Variants in CDH8 observed in about 807,000 individuals in gnomAD.
CDH8 encodes cadherin 8.
CDH8 carries 17 observed loss-of-function variants against 68.1 expected under a neutral mutation model. The observed-to-expected ratio is 0.25, with a 90% CI of 0.17 to 0.37. The LOEUF (loss-of-function observed/expected upper bound fraction) is 0.37. Ranked by LOEUF, CDH8 falls within the 10% of genes least tolerant of loss-of-function variation. The probability of loss-of-function intolerance (pLI) is 1.00; values close to 1 mark genes in which losing one functional copy is unlikely to be tolerated. For missense variants in CDH8, 763 were observed against 999.3 expected (o/e 0.76, Z 3.19); for synonymous variants, 372 against 365.1 (o/e 1.02, Z -0.21).
At chr16:62,032,333 G>T (rs1902346670) in intron 1 of CDH8, among the ~76,000 whole-genome samples, 1 of 152,144 alleles carries the variant, frequency 6.6e-6, no homozygotes, top group Admixed American at 6.5e-5. Flanking sequence ...GTGTATATGT[G>T]TGTGTGTTAT....
At chr16:61,871,579 TATAATA>T (rs1485240315) in intron 3 of CDH8, among the ~76,000 whole-genome samples, 1 of 151,710 alleles carries the variant, frequency 6.6e-6, no homozygotes. Context: ...TGATGATCTT[TATAATA>T]ATAATATTTT....
chr16:61,984,356 T>C (rs1965592041), intron 2 of CDH8, among the ~76,000 whole-genome samples: 1 of 152,172 alleles, frequency 6.6e-6, no homozygotes, highest in Admixed American at 6.5e-5. Flanking sequence ...AACACAGACA[T>C]TTAATCCATA....
rs1485664935 is a variant in CDH8 at position 61,651,732 on chromosome 16, A to T, written c.*1876T>A. 1 of 152,242 alleles carries T rather than the reference A, an allele frequency of 6.6e-6. No homozygotes were observed. The highest frequency in any genetic ancestry group is 1.5e-5 in the Non-Finnish European group (1 of 68,142). 9.4% of individuals were successfully genotyped at this position (152,242 alleles called of 1,614,324 possible). A position where few individuals can be genotyped will look rare whatever the true frequency, so the allele number is the denominator to read the frequency against. ...AGTTTTAGGTCTGCAAACTTGTCTG[A>T]AGGTTTTCCCTGCCCAATGCGTCTG... On this transcript the variant is annotated 3_prime_UTR_variant, in exon 12 of 12. Coordinates refer to ENST00000577390, the MANE Select transcript of CDH8 (RefSeq NM_001796.5).
chr16:61,860,015 T>G (rs2143017065), intron 3 of CDH8, among the ~76,000 whole-genome samples: 1 of 152,254 alleles, frequency 6.6e-6, no homozygotes, highest in East Asian at 1.9e-4. Context: ...AGCTAATTTT[T>G]GTATTTTTAG....
intron 8 of CDH8, among the ~76,000 whole-genome samples, chr16:61,735,136 G>T (rs757202439): frequency 3.3e-5 from 5 of 151,824 alleles, no homozygotes; most frequent in African/African-American, 9.7e-5. Context: ...TGGATTTAAG[G>T]CCTACCTAGG....
chr16:61,975,864 T>C (rs992206002), intron 2 of CDH8, among the ~76,000 whole-genome samples: 1 of 152,174 alleles, frequency 6.6e-6, no homozygotes, highest in Non-Finnish European at 1.5e-5. Context: ...GCCAATGTCC[T>C]ATGATTTCCA....
At chr16:61,769,232 TC>T (rs1479790138) in intron 8 of CDH8, among the ~76,000 whole-genome samples, 1 of 151,806 alleles carries the variant, frequency 6.6e-6, no homozygotes, top group Admixed American at 6.6e-5. Context: ...ACTCTAAAGA[TC>T]CCTGGACCAC....
At chr16:61,900,075 A>C (rs1437420376) in intron 3 of CDH8, among the ~76,000 whole-genome samples, 1 of 152,130 alleles carries the variant, frequency 6.6e-6, no homozygotes, top group East Asian at 1.9e-4. Context: ...ATTTATTTGC[A>C]ATTTTCTTGA....
chr16:61,943,182 A>G lies in CDH8; in HGVS notation c.253-41709T>C, dbSNP rs1158082911. ...TATATCACTCTGTTTCATCTTCTGT[A>G]TTTCCTTATTCTCCAACCTGAGACA... On this transcript the variant is annotated intron_variant, in intron 2 of 11. Transcript: ENST00000577390. Among the ~76,000 whole-genome samples the G allele has an allele frequency of 2.6e-5, 4 of 152,194 alleles. 1 individual carries two copies. Among genetic ancestry groups the G allele is most frequent in the African/African-American group, 9.6e-5 (4 of 41,464 alleles).
chr16:61,884,984 A>C (rs1963647441), intron 3 of CDH8, among the ~76,000 whole-genome samples: 1 of 152,190 alleles, frequency 6.6e-6, no homozygotes, highest in Admixed American at 6.5e-5. Context: ...AAGGAAAAAA[A>C]AGGAGGGATG....
At chr16:61,741,772 T>C (rs1421158088) in intron 8 of CDH8, among the ~76,000 whole-genome samples, 2 of 152,160 alleles carry the variant, frequency 1.3e-5, no homozygotes, top group Non-Finnish European at 2.9e-5. Context: ...AACCTTCATA[T>C]AATGATATTA....
chr16:61,659,055 A>G (rs1203296167), intron 10 of CDH8, among the ~76,000 whole-genome samples: 1 of 152,180 alleles, frequency 6.6e-6, no homozygotes, highest in Admixed American at 6.6e-5. Flanking sequence ...ATTGTCTTAT[A>G]CATTGATTTT....
At chr16:61,979,583 A>C (rs781321795) in intron 2 of CDH8, among the ~76,000 whole-genome samples, 1 of 151,796 alleles carries the variant, frequency 6.6e-6, no homozygotes, top group Non-Finnish European at 1.5e-5. Flanking sequence ...GGGGTAAAAA[A>C]CCTTTGTGCC....
intron 4 of CDH8, among the ~76,000 whole-genome samples, chr16:61,828,579 C>G (rs1486673964): frequency 6.6e-6 from 1 of 151,656 alleles, no homozygotes; most frequent in Non-Finnish European, 1.5e-5. Context: ...GTCAATTTTT[C>G]CAAATTGTTG....
intron 4 of CDH8, among the ~76,000 whole-genome samples, chr16:61,826,949 A>T (rs1412628651): frequency 6.6e-6 from 1 of 151,906 alleles, no homozygotes; most frequent in African/African-American, 2.4e-5. Context: ...TCAGGATTTG[A>T]TCACATCATA....
chr16:61,700,601 C>T (rs921757764), intron 10 of CDH8, among the ~76,000 whole-genome samples: 2 of 151,786 alleles, frequency 1.3e-5, no homozygotes, highest in African/African-American at 2.4e-5. Context: ...TTTAAGGAAC[C>T]TCAATACTTT....
At chr16:61,715,585 T>C (rs1416430579) in intron 9 of CDH8, among the ~76,000 whole-genome samples, 1 of 151,688 alleles carries the variant, frequency 6.6e-6, no homozygotes, top group East Asian at 1.9e-4. Context: ...GGGCCATTGC[T>C]ATTTATTGAT....
intron 10 of CDH8, among the ~76,000 whole-genome samples, 183 bp from the exon 11 acceptor site, chr16:61,655,904 G>T (rs1323679469): frequency 1.5e-5 from 2 of 137,862 alleles, no homozygotes; most frequent in African/African-American, 5.6e-5. Flanking sequence ...ACGGAGTCTC[G>T]CTGTGTCACC....
intron 3 of CDH8, among the ~76,000 whole-genome samples, chr16:61,890,498 C>T (rs1336648180): frequency 1.3e-5 from 2 of 152,028 alleles, no homozygotes; most frequent in Non-Finnish European, 2.9e-5. Flanking sequence ...TTATCAGATG[C>T]CTATGACTAA....
Sources: allele counts gnomAD v4.1 joint callset (sites outside exome capture counted in the v4.1 genomes callset), GRCh38; gene constraint gnomAD v4.1.1; transcripts MANE v1.5; gene names NCBI Gene and HGNC (gene_info 2026-07-23, HGNC 2026-07-21).